The following DARS2 variants were observed in gnomAD, a reference collection of about 807,000 sequenced individuals.
DARS2 encodes the protein aspartate--tRNA ligase, mitochondrial.
DARS2 carries 63 observed loss-of-function variants against 83.0 expected under a neutral mutation model. The ratio of observed to expected loss-of-function variants is 0.76; its 90% CI spans 0.62 to 0.94. The LOEUF (loss-of-function observed/expected upper bound fraction) is 0.94. Ranked by LOEUF, DARS2 falls within the 40% of genes least tolerant of loss-of-function variation. The probability of loss-of-function intolerance (pLI) is 0.00; values close to 1 mark genes in which losing one functional copy is unlikely to be tolerated. For synonymous variants in DARS2, 250 were observed against 269.3 expected (o/e 0.93, Z 0.70); for missense variants, 675 against 774.4 (o/e 0.87, Z 1.52).
At chr1:173,825,418 G>T in intron 1 of DARS2, 62 bp downstream of exon 1, 2 of 1,523,438 alleles carry the variant, frequency 1.3e-6, no homozygotes, top group Non-Finnish European at 1.8e-6. Flanking sequence ...TACGGCCGGA[G>T]AGCTTTTATT....
At chr1:173,842,936 C>CT (rs1183227348) in intron 11 of DARS2, among the ~76,000 whole-genome samples, 1 of 108,308 alleles carries the variant, frequency 9.2e-6, no homozygotes, top group African/African-American at 4.6e-5. Context: ...AACACTCCAT[C>CT]TTAAAAAAAA....
chr1:173,851,054 G>A (rs1336435687), intron 13 of DARS2, among the ~76,000 whole-genome samples: 11 of 151,858 alleles, frequency 7.2e-5, no homozygotes, highest in African/African-American at 1.9e-4. Context: ...CCTGTTCAAC[G>A]TGGTGAAACA....
chr1:173,840,100 G>A (rs963334268), intron 10 of DARS2, among the ~76,000 whole-genome samples: 2 of 151,992 alleles, frequency 1.3e-5, no homozygotes, highest in South Asian at 4.1e-4. Flanking sequence ...TTAGAAATTG[G>A]TCCTGCCTGG....
At position 173,858,186 on chromosome 1, in the gene DARS2, T is replaced by TC; in HGVS notation, c.*481_*482insC. 1 of 175,358 alleles carries TC rather than the reference T, an allele frequency of 5.7e-6. No homozygotes were observed. Among genetic ancestry groups the TC allele is most frequent in the Non-Finnish European group, 1.2e-5 (1 of 80,962 alleles). The allele number at this position is 175,358 out of a possible 1,614,324, so 10.9% of individuals were successfully genotyped here. A position where few individuals can be genotyped will look rare whatever the true frequency, so the allele number is the denominator to read the frequency against. On this transcript the variant is annotated 3_prime_UTR_variant, in exon 17 of 17. Coordinates refer to ENST00000649689, the MANE Select transcript of DARS2 (RefSeq NM_018122.5). ...TGACATTTCAACCATCAACATAATA[T>TC]AGTGAGGAGTAGCATAATATTTTTT...
chr1:173,855,449 AT>A (rs1204481669), intron 15 of DARS2, among the ~76,000 whole-genome samples: 1 of 151,564 alleles, frequency 6.6e-6, no homozygotes, highest in Non-Finnish European at 1.5e-5. Flanking sequence ...CCAATCACCC[AT>A]TGGGTTTTGT....
rs1178311885 is a variant in DARS2, at chr1:173,858,040, AC to A, written c.*336del. ...CCAGATAGTAGATTATTCACTTAGG[AC>A]AGAGGTAATCAAATTATGTGTGAAA... On this transcript the variant is annotated 3_prime_UTR_variant, in exon 17 of 17. Transcript: ENST00000649689. The A allele has an allele frequency of 6.2e-6, 2 of 321,558 alleles. No individual in the cohort carries two copies. Among genetic ancestry groups the A allele is most frequent in the African/African-American group, 4.3e-5 (2 of 46,690 alleles). The allele number at this position is 321,558 out of a possible 1,614,324, so 19.9% of individuals were successfully genotyped here.
intron 1 of DARS2, among the ~76,000 whole-genome samples, chr1:173,825,576 C>A (rs1024968105): frequency 6.6e-6 from 1 of 151,780 alleles, no homozygotes; most frequent in African/African-American, 2.4e-5. Context: ...TCACGCCATT[C>A]TCCTGCCTCA....
intron 15 of DARS2, among the ~76,000 whole-genome samples, chr1:173,855,246 C>G (rs6695782): frequency 0.09 from 13,721 of 151,734 alleles, 2,005 homozygotes; most frequent in African/African-American, 0.31. Flanking sequence ...TGGGATTACA[C>G]GTGCGCACTA....
At chr1:173,840,726 A>T (rs1653171297) in intron 10 of DARS2, 140 bp from the exon 11 acceptor site, 3 of 655,436 alleles carry the variant, frequency 4.6e-6, no homozygotes, top group Non-Finnish European at 8.2e-6. Flanking sequence ...TGCTTAACCC[A>T]TGGTAAACAC....
In DARS2 at chr1:173,830,762, G is replaced by A; in HGVS notation, c.396+1G>A. 3 of 1,612,610 alleles carry A rather than the reference G, an allele frequency of 1.9e-6. No individual in the cohort carries two copies. The highest frequency in any genetic ancestry group is 2.5e-6 in the Non-Finnish European group (3 of 1,178,684). ...CCGTCCTGCAGGACAAGAGAATCCA[G>A]TAGGTAGTTTCGAAGATATCTGTGT... On this transcript the variant is annotated splice_donor_variant, in intron 4 of 16. Transcript: ENST00000649689. LOFTEE classifies it high-confidence loss of function.
intron 8 of DARS2, 83 bp from the exon 9 acceptor site, chr1:173,838,107 C>T: frequency 9.2e-7 from 1 of 1,084,634 alleles, no homozygotes; most frequent in Non-Finnish European, 1.4e-6. Context: ...TGTTTTATAG[C>T]TTGCATTGCT....
chr1:173,826,665 C>CTTTT lies in DARS2; in HGVS notation c.128-8_128-5dup, dbSNP rs746151025. The CTTTT allele has an allele frequency of 5.6e-5, 71 of 1,260,870 alleles. No homozygotes were observed. The African/African-American group carries it at 7.8e-4, about 14-fold the overall frequency. 78.1% of individuals were successfully genotyped at this position (1,260,870 alleles called of 1,614,324 possible). A position where few individuals can be genotyped will look rare whatever the true frequency, so the allele number is the denominator to read the frequency against. Reference sequence around the variant, plus strand: ...TTTTTAATCTTGCCTTTTAAAGTTTCTTTTTTTTTTTTTTTTTAAAGAATT... The same window carrying CTTTT: ...TTTTTAATCTTGCCTTTTAAAGTTTCTTTTTTTTTTTTTTTTTTTTTAAAGAATT... On this transcript the variant is annotated intron_variant, in intron 1 of 16. Transcript: ENST00000649689.
rs200392167 is a variant in DARS2 at position 173,828,318 on chromosome 1, C to A, written c.228-15C>A. ...TTATCTTAAAATGTTTCTTTTCCCC[C>A]CCCCCATTAATCAGGCAAAACACAT... On this transcript the variant is annotated splice_polypyrimidine_tract_variant and intron_variant, in intron 2 of 16. Coordinates refer to ENST00000649689, the MANE Select transcript of DARS2 (RefSeq NM_018122.5). 2.0e-5 allele frequency: 26 copies of A among 1,316,228 alleles called. No individual in the cohort carries two copies. The highest frequency in any genetic ancestry group is 3.6e-5 in the Admixed American group (2 of 55,922). 81.5% of individuals were successfully genotyped at this position (1,316,228 alleles called of 1,614,324 possible). A position where few individuals can be genotyped will look rare whatever the true frequency, so the allele number is the denominator to read the frequency against.
intron 5 of DARS2, among the ~76,000 whole-genome samples, chr1:173,832,768 CAAA>C (rs5779442): frequency 1.3e-4 from 14 of 103,720 alleles, no homozygotes; most frequent in Admixed American, 1.1e-4. Context: ...GACTCCATCT[CAAA>C]AAAAAAAAAA....
At chr1:173,852,278 G>A in intron 13 of DARS2, 1 of 983,888 alleles carries the variant, frequency 1.0e-6, no homozygotes, top group South Asian at 4.7e-5. Flanking sequence ...CACTTATTAA[G>A]CACTTAGTAT....
At chr1:173,841,694 G>C (rs892433360) in intron 11 of DARS2, among the ~76,000 whole-genome samples, 6 of 152,240 alleles carry the variant, frequency 3.9e-5, no homozygotes, top group East Asian at 3.9e-4. Context: ...AGCTATTCTG[G>C]AGGTTGAGGT....
At chr1:173,826,570 C>G (rs1652578497) in intron 1 of DARS2, 117 bp from the exon 2 acceptor site, 1 of 696,108 alleles carries the variant, frequency 1.4e-6, no homozygotes, top group East Asian at 2.7e-5. Context: ...TATAAATTTC[C>G]CCTGTAGCCC....
intron 5 of DARS2, among the ~76,000 whole-genome samples, chr1:173,832,201 A>G (rs1191688419): frequency 6.6e-6 from 1 of 152,222 alleles, no homozygotes; most frequent in Non-Finnish European, 1.5e-5. Flanking sequence ...ATTTTTAATT[A>G]GTCTTAATTA....
chr1:173,825,242 T>A lies in DARS2; in HGVS notation c.13T>A (p.Ser5Thr). The A allele has an allele frequency of 1.2e-6, 2 of 1,612,880 alleles. No individual in the cohort carries two copies. The highest frequency in any genetic ancestry group is 1.7e-6 in the Non-Finnish European group (2 of 1,179,274). The change falls in exon 1 of 17, where the codon TCT becomes ACT. Residue 5 changes from serine to threonine, a missense_variant. Physicochemically the swap from Ser to Thr is moderately conservative, Grantham distance 58. Transcript: ENST00000649689. MYFP[S>T]WLSQLYRGLS... is the part of the protein sequence containing the mutation. ...GTGTGGCTCCAACATGTACTTCCCT[T>A]CTTGGTTAAGTCAGCTGTACAGGGG...
Sources: gnomAD v4.1 joint callset for allele counts (sites outside exome capture counted in the v4.1 genomes callset) on GRCh38, gnomAD v4.1.1 for gene constraint, MANE v1.5 for transcripts, NCBI Gene and HGNC (gene_info 2026-07-23, HGNC 2026-07-21) for gene names.